Variants in KCNMA1 observed in about 807,000 individuals in gnomAD.
The protein encoded by KCNMA1 is Calcium-activated potassium channel subunit alpha-1.
Under a neutral mutation model 140.0 loss-of-function variants are expected in KCNMA1, and 29 were observed. That is an observed-to-expected ratio of 0.21 (90% confidence interval 0.15 to 0.28). The LOEUF (loss-of-function observed/expected upper bound fraction) is 0.28. Ranked by LOEUF, KCNMA1 falls within the 10% of genes least tolerant of loss-of-function variation. KCNMA1 has a pLI of 1.00. For missense variants in KCNMA1, 880 were observed against 1,602.2 expected, an observed-to-expected ratio of 0.55 and a Z score of 7.70; for synonymous variants, 612 against 611.9, an observed-to-expected ratio of 1.00 and a Z score of 0.00.
intron 17 of KCNMA1, among the ~76,000 whole-genome samples, chr10:77,018,775 T>C (rs2092483998): frequency 6.6e-6 from 1 of 152,092 alleles, no homozygotes. Flanking sequence ...GCCCCCATTT[T>C]CTCCCTCACA....
chr10:77,570,356 G>A (rs1046858521), intron 1 of KCNMA1, among the ~76,000 whole-genome samples: 21 of 146,610 alleles, frequency 1.4e-4, no homozygotes, highest in African/African-American at 5.4e-4. Flanking sequence ...AACAATGATA[G>A]ACTGGATTAA....
chr10:77,448,825 A>G (rs754921372), intron 1 of KCNMA1, among the ~76,000 whole-genome samples: 12 of 152,208 alleles, frequency 7.9e-5, no homozygotes, highest in Non-Finnish European at 1.8e-4. Context: ...TGCAGTGCTC[A>G]TGCCTGTAAT....
At chr10:77,412,844 T>G (rs568310483) in intron 1 of KCNMA1, among the ~76,000 whole-genome samples, 6 of 152,122 alleles carry the variant, frequency 3.9e-5, no homozygotes, top group Non-Finnish European at 7.4e-5. Context: ...TGTTAGCTTT[T>G]TTTTGTTTTG....
intron 14 of KCNMA1, among the ~76,000 whole-genome samples, chr10:77,042,061 C>G (rs746095725): frequency 9.9e-5 from 15 of 152,116 alleles, no homozygotes; most frequent in Non-Finnish European, 1.3e-4. Context: ...TGTAGGTTAA[C>G]CTCATTAGTT....
At chr10:77,064,112 A>G (rs1267773848) in intron 14 of KCNMA1, 19 of 985,240 alleles carry the variant, frequency 1.9e-5, no homozygotes, top group Non-Finnish European at 2.3e-5. Context: ...CCATGCCAAG[A>G]CCCATATAAA....
At chr10:77,425,227 G>A (rs138656625) in intron 1 of KCNMA1, among the ~76,000 whole-genome samples, 380 of 152,266 alleles carry the variant, frequency 2.5e-3, no homozygotes, top group Middle Eastern at 0.01. Flanking sequence ...ACATTGCCCC[G>A]ATTTATTTAA....
chr10:77,600,315 G>A (rs1317132413), intron 1 of KCNMA1, among the ~76,000 whole-genome samples: 1 of 152,184 alleles, frequency 6.6e-6, no homozygotes, highest in Non-Finnish European at 1.5e-5. Flanking sequence ...AAAAGGTAAT[G>A]GAGGAGGAGG....
chr10:77,559,198 G>A (rs1028869153), intron 1 of KCNMA1, among the ~76,000 whole-genome samples: 1 of 152,198 alleles, frequency 6.6e-6, no homozygotes, highest in African/African-American at 2.4e-5. Context: ...CTGAGGCTGA[G>A]AAGCACACAC....
downstream of KCNMA1, among the ~76,000 whole-genome samples, chr10:76,883,676 ATACTT>A (rs1189290721): frequency 8.7e-5 from 13 of 149,232 alleles, no homozygotes; most frequent in Admixed American, 8.7e-4. Flanking sequence ...TTAAATGTAT[ATACTT>A]TATTTTCAAA....
chr10:76,949,115 G>C, intron 22 of KCNMA1, 27 bp downstream of exon 22: 9 of 1,472,968 alleles, frequency 6.1e-6, no homozygotes, highest in African/African-American at 1.4e-5. Flanking sequence ...AGAAGAAAAG[G>C]CATCAATAAT....
At chr10:77,396,182 T>C (rs1413766893) in intron 2 of KCNMA1, among the ~76,000 whole-genome samples, 1 of 152,252 alleles carries the variant, frequency 6.6e-6, no homozygotes, top group Non-Finnish European at 1.5e-5. Context: ...CTATTCACTA[T>C]GGGACATTCT....
chr10:77,442,707 G>A lies in KCNMA1; in HGVS notation c.379-38684C>T, dbSNP rs117530698. ...GGTGTTACTGGCAGCTTTTCTCTGA[G>A]TCCAACTCCCATCACCTATATGCAT... On this transcript the variant is annotated intron_variant, in intron 1 of 27. Coordinates refer to ENST00000286628, the MANE Select transcript of KCNMA1 (RefSeq NM_001161352.2). 3.9e-4 allele frequency among the ~76,000 whole-genome samples: 59 copies of A among 152,142 alleles called. 2 individuals carry two copies. The East Asian group carries it at 0.011, about 28-fold the overall frequency.
intron 5 of KCNMA1, among the ~76,000 whole-genome samples, chr10:77,160,820 A>G (rs2098546286): frequency 6.6e-6 from 1 of 152,210 alleles, no homozygotes; most frequent in Non-Finnish European, 1.5e-5. Context: ...TTTGTTAGTC[A>G]TTGAGGCCAC....
At chr10:77,457,845 C>A (rs1256462014) in intron 1 of KCNMA1, among the ~76,000 whole-genome samples, 1 of 152,100 alleles carries the variant, frequency 6.6e-6, no homozygotes, top group Non-Finnish European at 1.5e-5. Flanking sequence ...GAGTGCAGTG[C>A]CTCCATCCTG....
chr10:77,171,571 C>A (rs2098708952), intron 5 of KCNMA1, among the ~76,000 whole-genome samples: 1 of 152,092 alleles, frequency 6.6e-6, no homozygotes, highest in African/African-American at 2.4e-5. Flanking sequence ...CTGAGTTCAT[C>A]CCCAATTCTC....
intron 1 of KCNMA1, among the ~76,000 whole-genome samples, chr10:77,595,620 TAAA>T (rs1217405933): frequency 6.6e-6 from 1 of 151,998 alleles, no homozygotes; most frequent in Non-Finnish European, 1.5e-5. Flanking sequence ...CTCCTGACAA[TAAA>T]GAAGCGCGGA....
chr10:77,111,464 T>C (rs1050103428), intron 7 of KCNMA1, among the ~76,000 whole-genome samples: 3 of 152,184 alleles, frequency 2.0e-5, no homozygotes, highest in Non-Finnish European at 4.4e-5. Context: ...CCTCCACATA[T>C]GTGATTTGGG....
At chr10:77,035,988 T>C (rs1264459816) in intron 15 of KCNMA1, among the ~76,000 whole-genome samples, 1 of 152,220 alleles carries the variant, frequency 6.6e-6, no homozygotes, top group Non-Finnish European at 1.5e-5. Flanking sequence ...CATTTGAGTC[T>C]GTGGACTGGG....
intron 1 of KCNMA1, among the ~76,000 whole-genome samples, chr10:77,435,741 A>G (rs1048863465): frequency 6.6e-6 from 1 of 152,216 alleles, no homozygotes. Context: ...CACCTAAACA[A>G]CACAGGTCTG....
Sources: gnomAD v4.1 joint callset for allele counts (sites outside exome capture counted in the v4.1 genomes callset) on GRCh38, gnomAD v4.1.1 for gene constraint, MANE v1.5 for transcripts, NCBI Gene and HGNC (gene_info 2026-07-23, HGNC 2026-07-21) for gene names.